NIPAL4: variants seen among roughly 807,000 people sequenced by gnomAD.
The protein encoded by NIPAL4 is NIPA like domain containing 4.
In NIPAL4, 21 loss-of-function variants were observed where a neutral mutation model predicts 31.6. The ratio of observed to expected loss-of-function variants is 0.67; its 90% confidence interval spans 0.47 to 0.96. The LOEUF (loss-of-function observed/expected upper bound fraction) is 0.96. Ranked by LOEUF, NIPAL4 falls within the 40% of genes least tolerant of loss-of-function variation. The pLI, the probability that NIPAL4 is intolerant of heterozygous loss-of-function variation, is 0.00. For missense variants in NIPAL4, 438 were observed against 508.0 expected (o/e 0.86, Z 1.32); for synonymous variants, 175 against 211.1 (o/e 0.83, Z 1.48).
At chr5:157,461,692 C>G (rs190441333) in intron 1 of NIPAL4, among the ~76,000 whole-genome samples, 3 of 152,272 alleles carry the variant, frequency 2.0e-5, no homozygotes, top group East Asian at 3.9e-4. Context: ...GATTGTGACA[C>G]GAGTTTTGGA....
intron 1 of NIPAL4, among the ~76,000 whole-genome samples, chr5:157,461,008 G>C (rs1328816805): frequency 6.6e-6 from 1 of 152,194 alleles, no homozygotes; most frequent in Admixed American, 6.5e-5. Context: ...GTAATACAGT[G>C]AGGAAATGGA....
At position 157,463,257 on chromosome 5, in the gene NIPAL4, C is replaced by A. The variant is rs1300875450; in HGVS notation, c.201C>A (p.Ser67Arg). Residue 67 changes from serine to arginine, a missense_variant, in exon 2 of 6, where the codon AGC becomes AGA. Ser to Arg is a moderately radical substitution (Grantham distance 110, BLOSUM62 -1). Transcript: ENST00000311946. ...GCCTGGGCCTGGCATTCCTGTCTAG[C>A]TTCCTCATCGGCAGCAGCGTCATCC... ...YIGLGLAFLS[S>R]FLIGSSVILK... The A allele has an allele frequency of 4.3e-6, 7 of 1,613,882 alleles. No individual in the cohort carries two copies. The highest frequency in any genetic ancestry group is 1.3e-5 in the African/African-American group (1 of 74,930).
At chr5:157,471,222 G>A (rs1454069750) in intron 4 of NIPAL4, among the ~76,000 whole-genome samples, 4 of 152,198 alleles carry the variant, frequency 2.6e-5, no homozygotes, top group African/African-American at 9.7e-5. Context: ...TTAGAACCTG[G>A]TGACCCTGGC....
Position 157,473,219 on chromosome 5 carries a change from T to C in NIPAL4, c.*259T>C. 2.5e-6 allele frequency: 1 copy of C among 395,634 alleles called. No homozygotes were observed. Among genetic ancestry groups the C allele is most frequent in the East Asian group, 3.7e-5 (1 of 26,702 alleles). 24.5% of individuals were successfully genotyped at this position (395,634 alleles called of 1,614,324 possible). A position where few individuals can be genotyped will look rare whatever the true frequency, so the allele number is the denominator to read the frequency against. The stretch of plus-strand genomic sequence containing the variant: ...CTGCAGGTTCCCTGGACCTTCCTTC[T>C]CATTCATTCTTTCGGTGCCATCTCT... On this transcript the variant is annotated 3_prime_UTR_variant, in exon 6 of 6. Coordinates refer to ENST00000311946, the MANE Select transcript of NIPAL4 (RefSeq NM_001099287.2).
intron 4 of NIPAL4, among the ~76,000 whole-genome samples, chr5:157,469,436 A>C (rs993535956): frequency 6.6e-6 from 1 of 152,222 alleles, no homozygotes; most frequent in Admixed American, 6.5e-5. Context: ...TTTTCACAGC[A>C]TCCCTAGCTG....
chr5:157,471,379 G>T (rs1057408936), intron 4 of NIPAL4, among the ~76,000 whole-genome samples: 3 of 152,194 alleles, frequency 2.0e-5, no homozygotes, highest in African/African-American at 7.2e-5. Context: ...GCTCTGTACT[G>T]TGCATTTTCT....
chr5:157,463,220 G>C lies in NIPAL4; in HGVS notation c.164G>C (p.Gly55Ala). 6.2e-7 allele frequency: 1 copy of C among 1,614,028 alleles called. No homozygotes were observed. The highest frequency in any genetic ancestry group is 8.5e-7 in the Non-Finnish European group (1 of 1,179,900). The stretch of plus-strand genomic sequence containing the variant: ...CAGGAAAGAATCAGGCAGAACTATG[G>C]CTTCTACATCGGCCTGGGCCTGGCA... ...SWQERIRQNY[G>A]FYIGLGLAFL... The change falls in exon 2 of 6, where the codon GGC becomes GCC. Residue 55 changes from glycine to alanine, a missense_variant. By Grantham distance (60) the Gly-to-Ala change is moderately conservative (BLOSUM62 0). Transcript: ENST00000311946.
intron 2 of NIPAL4, among the ~76,000 whole-genome samples, chr5:157,466,051 A>AAG (rs72005574): frequency 6.6e-6 from 1 of 150,952 alleles, no homozygotes; most frequent in Non-Finnish European, 1.5e-5. Flanking sequence ...GGAGGGAAGG[A>AAG]AGAGAGAGAG....
chr5:157,471,517 T>C (rs547312824), intron 4 of NIPAL4, 140 bp from the exon 5 acceptor site: 45 of 659,336 alleles, frequency 6.8e-5, no homozygotes, highest in South Asian at 4.6e-4. Flanking sequence ...GTAAGTTTTT[T>C]TGGAAGAAAA....
chr5:157,460,451 G>A, intron 1 of NIPAL4, 94 bp downstream of exon 1: 2 of 1,299,738 alleles, frequency 1.5e-6, no homozygotes, highest in Non-Finnish European at 2.1e-6. Flanking sequence ...CCTCCCAGGG[G>A]GGCCAAAGCT....
At chr5:157,467,284 C>T (rs1754303642) in intron 3 of NIPAL4, 179 bp downstream of exon 3, 1 of 614,460 alleles carries the variant, frequency 1.6e-6, no homozygotes, top group Non-Finnish European at 3.0e-6. Flanking sequence ...CAAAGTCAGT[C>T]TTCATCCATG....
At chr5:157,470,894 G>C (rs1026042572) in intron 4 of NIPAL4, among the ~76,000 whole-genome samples, 55 of 152,186 alleles carry the variant, frequency 3.6e-4, no homozygotes, top group African/African-American at 1.3e-3. Context: ...AAGGCAGTTA[G>C]ACAAGAGCAT....
At chr5:157,472,223 A>G in intron 5 of NIPAL4, 109 bp from the exon 6 acceptor site, 1 of 1,073,832 alleles carries the variant, frequency 9.3e-7, no homozygotes, top group South Asian at 1.5e-5. Flanking sequence ...GGTTTGTCTG[A>G]CTCTAGAGCC....
chr5:157,470,275 C>G (rs11746167), intron 4 of NIPAL4, among the ~76,000 whole-genome samples: 71,697 of 151,828 alleles, frequency 0.47, 17,237 homozygotes, highest in East Asian at 0.73. Flanking sequence ...TGCTGGCTCG[C>G]CTCGAGGATA....
intron 4 of NIPAL4, among the ~76,000 whole-genome samples, chr5:157,470,803 G>A (rs1051317153): frequency 6.6e-6 from 1 of 152,198 alleles, no homozygotes; most frequent in Admixed American, 6.5e-5. Context: ...GAAGGGGTGG[G>A]CTCCCTGCCA....
At position 157,474,665 on chromosome 5, in the gene NIPAL4, G is replaced by C. The variant is rs1347718172; in HGVS notation, c.*1705G>C. On this transcript the variant is annotated 3_prime_UTR_variant, in exon 6 of 6. Transcript: ENST00000311946. Reference sequence around the variant, plus strand: ...TCTTGAGAATGGCAGTAAACTGAGGGCCCTAAGAGTGTGGTCTGCAGGGTC... The same window carrying C: ...TCTTGAGAATGGCAGTAAACTGAGGCCCCTAAGAGTGTGGTCTGCAGGGTC... The C allele has an allele frequency of 6.6e-6, 1 of 152,196 alleles. No individual in the cohort carries two copies. The highest frequency in any genetic ancestry group is 1.5e-5 in the Non-Finnish European group (1 of 68,020). 9.4% of individuals were successfully genotyped at this position (152,196 alleles called of 1,614,324 possible). A position where few individuals can be genotyped will look rare whatever the true frequency, so the allele number is the denominator to read the frequency against.
At position 157,472,323 on chromosome 5, in the gene NIPAL4, C is replaced by T. The variant is rs778634813; in HGVS notation, c.587-9C>T. 12 of 1,591,736 alleles carry T rather than the reference C, an allele frequency of 7.5e-6. No homozygotes were observed. Among genetic ancestry groups the T allele is most frequent in the South Asian group, 5.6e-5 (5 of 89,648 alleles). ...CAGCCAAGTGATCCTTCTCTCTCTCCTCCCAAAGGGTTCATCGTGTTTGCT... is the reference window on the plus strand; with the variant it reads ...CAGCCAAGTGATCCTTCTCTCTCTCTTCCCAAAGGGTTCATCGTGTTTGCT... On this transcript the variant is annotated splice_polypyrimidine_tract_variant and intron_variant, in intron 5 of 5. Transcript: ENST00000311946.
At position 157,460,533 on chromosome 5, in the gene NIPAL4, C is replaced by T. The variant is rs1028309357; in HGVS notation, c.37+176C>T. 6.9e-6 allele frequency: 5 copies of T among 726,574 alleles called. No homozygotes were observed. In the African/African-American group the frequency reaches 8.7e-5, roughly 13 times the overall value. The allele number at this position is 726,574 out of a possible 1,614,324, so 45.0% of individuals were successfully genotyped here. A position where few individuals can be genotyped will look rare whatever the true frequency, so the allele number is the denominator to read the frequency against. On this transcript the variant is annotated intron_variant, in intron 1 of 5. Transcript: ENST00000311946. The stretch of plus-strand genomic sequence containing the variant: ...GATCTGGGTTCTGGCTGAGACTTCA[C>T]TTTCATCTTCGCAGCTGGGATGGCT...
intron 1 of NIPAL4, 55 bp downstream of exon 1, chr5:157,460,412 C>A: frequency 6.8e-7 from 1 of 1,471,808 alleles, no homozygotes; most frequent in African/African-American, 1.4e-5. Flanking sequence ...GCCCTCCCCT[C>A]CTTGCCACCG....
Sources: gnomAD v4.1 joint callset for allele counts (sites outside exome capture counted in the v4.1 genomes callset) on GRCh38, gnomAD v4.1.1 for gene constraint, MANE v1.5 for transcripts, NCBI Gene and HGNC (gene_info 2026-07-23, HGNC 2026-07-21) for gene names.